The following TEAD1 variants were observed in gnomAD, a reference collection of about 807,000 sequenced individuals.
TEAD1 encodes TEA domain transcription factor 1.
In TEAD1, 9 loss-of-function variants were observed where a neutral mutation model predicts 54.9. That is an observed-to-expected ratio of 0.16 (90% confidence interval 0.10 to 0.29). TEAD1 has a LOEUF of 0.29. Ranked by LOEUF, TEAD1 falls within the 10% of genes least tolerant of loss-of-function variation. The pLI, the probability that TEAD1 is intolerant of heterozygous loss-of-function variation, is 1.00. For missense variants in TEAD1, 387 were observed against 535.9 expected, an observed-to-expected ratio of 0.72 and a Z score of 2.74; for synonymous variants, 200 against 187.8, an observed-to-expected ratio of 1.07 and a Z score of -0.53.
chr11:12,919,244 T>A (rs1441891976), intron 10 of TEAD1, among the ~76,000 whole-genome samples: 1 of 152,134 alleles, frequency 6.6e-6, no homozygotes, highest in East Asian at 1.9e-4. Context: ...AGATCATCCA[T>A]TCCAAATGGA....
At chr11:12,759,795 G>A (rs971524370) in intron 2 of TEAD1, among the ~76,000 whole-genome samples, 7 of 152,224 alleles carry the variant, frequency 4.6e-5, no homozygotes, top group Admixed American at 2.0e-4. Context: ...CTGGGAGGAG[G>A]AGGTTGCAGT....
chr11:12,740,507 TG>T (rs1944628956), intron 2 of TEAD1, among the ~76,000 whole-genome samples: 1 of 152,116 alleles, frequency 6.6e-6, no homozygotes, highest in Non-Finnish European at 1.5e-5. Context: ...TACCTGAACG[TG>T]GGTAATTTAT....
At chr11:12,808,477 TTTTTTG>T (rs200165981) in intron 3 of TEAD1, among the ~76,000 whole-genome samples, 1 of 152,156 alleles carries the variant, frequency 6.6e-6, no homozygotes, top group Admixed American at 6.5e-5. Context: ...AAGCCTCAGT[TTTTTTG>T]TTTTTGTTTT....
chr11:12,860,551 T>C (rs1947479216), intron 3 of TEAD1, among the ~76,000 whole-genome samples: 1 of 152,232 alleles, frequency 6.6e-6, no homozygotes, highest in African/African-American at 2.4e-5. Context: ...TTCGTCTTCA[T>C]CAGTGTTTCC....
intron 9 of TEAD1, among the ~76,000 whole-genome samples, chr11:12,885,489 G>C (rs531526099): frequency 1.3e-5 from 2 of 152,104 alleles, no homozygotes; most frequent in East Asian, 3.9e-4. Context: ...TGCCCGCCTA[G>C]GCCTCCCGAA....
intron 3 of TEAD1, among the ~76,000 whole-genome samples, chr11:12,778,296 G>A (rs939746930): frequency 6.6e-5 from 10 of 152,222 alleles, no homozygotes; most frequent in African/African-American, 2.2e-4. Flanking sequence ...GCCTGGCTAG[G>A]GTGGAAGAGA....
intron 2 of TEAD1, among the ~76,000 whole-genome samples, chr11:12,723,418 C>T (rs188059317): frequency 8.6e-5 from 13 of 151,622 alleles, no homozygotes; most frequent in Admixed American, 2.0e-4. Flanking sequence ...AATTTTACAG[C>T]GAAAAAACAA....
intron 3 of TEAD1, among the ~76,000 whole-genome samples, chr11:12,779,471 G>A (rs1945500781): frequency 6.6e-6 from 1 of 152,164 alleles, no homozygotes; most frequent in East Asian, 1.9e-4. Flanking sequence ...GACTAATATT[G>A]CTAAACCTCC....
intron 3 of TEAD1, among the ~76,000 whole-genome samples, chr11:12,765,200 G>C (rs935976600): frequency 2.0e-5 from 3 of 152,160 alleles, no homozygotes; most frequent in Admixed American, 1.3e-4. Context: ...GGATCCACCT[G>C]CCGGTCTGGG....
intron 2 of TEAD1, among the ~76,000 whole-genome samples, chr11:12,736,249 A>G (rs1944528603): frequency 6.6e-6 from 1 of 152,192 alleles, no homozygotes; most frequent in Non-Finnish European, 1.5e-5. Context: ...ATATGTGGAC[A>G]TGTGTACAGC....
intron 2 of TEAD1, among the ~76,000 whole-genome samples, chr11:12,752,720 C>T (rs1179073982): frequency 6.6e-6 from 1 of 152,126 alleles, no homozygotes; most frequent in Non-Finnish European, 1.5e-5. Context: ...TCATGAGATA[C>T]AAGTAGTGTG....
rs557410200 is a variant in TEAD1, at chr11:12,894,578, G to A, written c.700-7362G>A. 3.1e-4 allele frequency among the ~76,000 whole-genome samples: 47 copies of A among 152,274 alleles called. No homozygotes were observed. The East Asian group carries it at 8.7e-3, about 28-fold the overall frequency. On this transcript the variant is annotated intron_variant, in intron 9 of 12. Coordinates refer to ENST00000527636, the MANE Select transcript of TEAD1 (RefSeq NM_021961.6). The stretch of plus-strand genomic sequence containing the variant: ...TGCCTTAGAGGAAGGTAGGAAGCAG[G>A]TATCTGGAGAGGGTACTGTGTGCCT...
chr11:12,783,694 G>C (rs1468496012), intron 3 of TEAD1, among the ~76,000 whole-genome samples: 4 of 152,142 alleles, frequency 2.6e-5, no homozygotes, highest in Admixed American at 2.0e-4. Context: ...CCACTAGGCT[G>C]AATTTTCCCT....
chr11:12,737,595 T>C (rs1944563676), intron 2 of TEAD1, among the ~76,000 whole-genome samples: 1 of 152,256 alleles, frequency 6.6e-6, no homozygotes, highest in African/African-American at 2.4e-5. Context: ...TGCTTTTCAG[T>C]TGCAGCTCTA....
intron 2 of TEAD1, among the ~76,000 whole-genome samples, chr11:12,732,241 A>G (rs781302779): frequency 6.6e-6 from 1 of 152,136 alleles, no homozygotes; most frequent in Non-Finnish European, 1.5e-5. Context: ...TCACAGGCAA[A>G]TTCCAGTGTC....
chr11:12,840,177 G>A (rs1269383058), intron 3 of TEAD1, among the ~76,000 whole-genome samples: 1 of 149,582 alleles, frequency 6.7e-6, no homozygotes, highest in African/African-American at 2.5e-5. Flanking sequence ...AACCCGGGAG[G>A]CGGAGCTTGC....
At chr11:12,927,296 A>C (rs1251794132) in intron 11 of TEAD1, among the ~76,000 whole-genome samples, 3 of 152,218 alleles carry the variant, frequency 2.0e-5, no homozygotes, top group Non-Finnish European at 4.4e-5. Context: ...TATCAAAACC[A>C]CTTATGAAAT....
chr11:12,925,954 G>A (rs1172628415), intron 11 of TEAD1, among the ~76,000 whole-genome samples: 1 of 152,118 alleles, frequency 6.6e-6, no homozygotes, highest in Non-Finnish European at 1.5e-5. Flanking sequence ...TCTTTTTACG[G>A]CTTTTATGTT....
chr11:12,761,916 T>A (rs1215646574), intron 2 of TEAD1, among the ~76,000 whole-genome samples: 1 of 151,936 alleles, frequency 6.6e-6, no homozygotes, highest in Admixed American at 6.6e-5. Flanking sequence ...ACCAGTTGAG[T>A]AGATTTTGAG....
Sources: allele counts gnomAD v4.1 joint callset (sites outside exome capture counted in the v4.1 genomes callset), GRCh38; gene constraint gnomAD v4.1.1; transcripts MANE v1.5; gene names NCBI Gene and HGNC (gene_info 2026-07-23, HGNC 2026-07-21).